TRIO: variants seen among roughly 807,000 people sequenced by gnomAD.
TRIO encodes trio Rho guanine nucleotide exchange factor.
TRIO carries 58 observed loss-of-function variants against 351.9 expected under a neutral mutation model. That is an observed-to-expected ratio of 0.16 (90% CI 0.13 to 0.21). TRIO has a LOEUF of 0.21. Among genes scored for constraint, TRIO ranks in the 10% least tolerant of loss-of-function variants. TRIO has a pLI of 1.00. For missense variants in TRIO, 3,201 were observed against 4,027.8 expected (o/e 0.79, Z 5.56); for synonymous variants, 1,758 against 1,595.7 (o/e 1.10, Z -2.42).
intron 33 of TRIO, among the ~76,000 whole-genome samples, chr5:14,417,409 A>G (rs1040741770): frequency 6.6e-6 from 1 of 152,240 alleles, no homozygotes; most frequent in Non-Finnish European, 1.5e-5. Context: ...GGCTCCTACA[A>G]CAGGAGGATA....
intron 34 of TRIO, among the ~76,000 whole-genome samples, chr5:14,431,684 G>A (rs28718197): frequency 1.3e-5 from 2 of 152,112 alleles, no homozygotes; most frequent in Non-Finnish European, 2.9e-5. Flanking sequence ...TTAACAGAAG[G>A]GGGAGAAGGG....
intron 1 of TRIO, among the ~76,000 whole-genome samples, chr5:14,221,592 G>A (rs560795395): frequency 5.3e-5 from 8 of 152,282 alleles, no homozygotes; most frequent in East Asian, 1.9e-4. Flanking sequence ...GGATGACTTC[G>A]AAGGGTTCAG....
intron 1 of TRIO, among the ~76,000 whole-genome samples, chr5:14,225,204 G>A (rs1792915156): frequency 6.6e-6 from 1 of 152,172 alleles, no homozygotes; most frequent in African/African-American, 2.4e-5. Context: ...ATGGATTGGG[G>A]TGAGGTGAGA....
At position 14,189,860 on chromosome 5, in the gene TRIO, C is replaced by T. The variant is rs568277952; in HGVS notation, c.157+45978C>T. Among the ~76,000 whole-genome samples, 3 of 151,990 alleles carry T rather than the reference C, an allele frequency of 2.0e-5. No individual in the cohort carries two copies. The South Asian group carries it at 6.2e-4, about 32-fold the overall frequency. On this transcript the variant is annotated intron_variant, in intron 1 of 56. Transcript: ENST00000344204. ...GTCTCAGCCTCCCCAGGAGCTGGAA[C>T]TATAGGCGCATCCCACCATGCCCAG...
At position 14,293,104 on chromosome 5, in the gene TRIO, G is replaced by T. The variant is rs757144671; in HGVS notation, c.1146G>T (p.Thr382=). The part of the protein sequence containing the change: ...TSHPHAMELQ[T]QHNHFAMNCM... The stretch of plus-strand genomic sequence containing the variant: ...ACCCTCATGCCATGGAGCTTCAGAC[G>T]CAGCACAATCACTTTGCCATGAACT... Residue 382 remains threonine (T), a synonymous_variant, in exon 6 of 57, where the codon ACG becomes ACT. Coordinates refer to ENST00000344204, the MANE Select transcript of TRIO (RefSeq NM_007118.4). 2 of 1,614,064 alleles carry T rather than the reference G, an allele frequency of 1.2e-6. No homozygotes were observed. The highest frequency in any genetic ancestry group is 1.7e-5 in the Admixed American group (1 of 60,010).
chr5:14,364,669 T>C lies in TRIO; in HGVS notation c.2607T>C (p.Asp869=), dbSNP rs903103607. ...CCACAGGTGTGGAGCTGCTGTGTGA[T>C]AGAGATGTAGACATGGCAACTCGGG... ...VQASGVELLC[D]RDVDMATRVQ... is the part of the protein sequence containing the mutation. The change falls in exon 15 of 57, where the codon GAT becomes GAC. Residue 869 remains aspartate, a synonymous_variant. Transcript: ENST00000344204. The C allele has an allele frequency of 6.2e-7, 1 of 1,613,908 alleles. No homozygotes were observed. The highest frequency in any genetic ancestry group is 8.5e-7 in the Non-Finnish European group (1 of 1,179,950).
At chr5:14,143,936 G>C (rs1324851233) in intron 1 of TRIO, 54 bp downstream of exon 1, 15 of 1,032,716 alleles carry the variant, frequency 1.5e-5, no homozygotes, top group Non-Finnish European at 1.7e-5. Context: ...GCGCTCGGCC[G>C]ACCCGCCGCG....
chr5:14,330,633 A>G (rs1012391480), intron 9 of TRIO, 145 bp from the exon 10 acceptor site: 18 of 1,005,474 alleles, frequency 1.8e-5, no homozygotes, highest in African/African-American at 1.3e-4. Context: ...TTAGTATCCA[A>G]TTACTTCTTC....
At chr5:14,370,593 A>G (rs536118232) in intron 18 of TRIO, among the ~76,000 whole-genome samples, 7 of 152,256 alleles carry the variant, frequency 4.6e-5, no homozygotes, top group Non-Finnish European at 7.3e-5. Flanking sequence ...GTTATTGTTT[A>G]GTCTGGGAGG....
intron 1 of TRIO, among the ~76,000 whole-genome samples, chr5:14,163,173 A>C (rs560004213): frequency 1.4e-4 from 22 of 151,828 alleles, no homozygotes; most frequent in African/African-American, 5.3e-4. Flanking sequence ...TTTGCCCCCC[A>C]TCCCTGGACA....
chr5:14,210,290 C>CTT (rs1344579620), intron 1 of TRIO, among the ~76,000 whole-genome samples: 1 of 152,194 alleles, frequency 6.6e-6, no homozygotes, highest in Admixed American at 6.5e-5. Context: ...GAAACAGAGT[C>CTT]TAGGGAAGCT....
rs1756930616 is a variant in TRIO, at chr5:14,496,890, C to T, written c.7892C>T (p.Ser2631Phe). 6.2e-7 allele frequency: 1 copy of T among 1,614,042 alleles called. No homozygotes were observed. The highest frequency in any genetic ancestry group is 1.1e-5 in the South Asian group (1 of 91,070). Reference protein sequence around the residue: ...NPDGTLKKSTSWHTALRLRKK... With the variant: ...NPDGTLKKSTFWHTALRLRKK... ...TTCATTTCCCCTAGGAAGTCAACAT[C>T]TTGGCACACAGCACTCCGTTTAAGG... Residue 2631 changes from serine to phenylalanine, a missense_variant, in exon 50 of 57, where the codon TCT (serine) becomes TTT (phenylalanine). By Grantham distance (155) the Ser-to-Phe change is radical. Transcript: ENST00000344204.
rs1250515244 is a variant in TRIO, at chr5:14,363,916, T to C, written c.2576T>C (p.Val859Ala). 6.2e-7 allele frequency: 1 copy of C among 1,613,682 alleles called. No homozygotes were observed. Among genetic ancestry groups the C allele is most frequent in the Non-Finnish European group, 8.5e-7 (1 of 1,179,730 alleles). ...GQDLLQYVNE[V>A]QASGVELLCD... ...GATCTTCTGCAGTATGTCAATGAGG[T>C]CCAGGCCTCTGGTAAGAGGGCTCAC... The change falls in exon 14 of 57, where the codon GTC becomes GCC. Residue 859 changes from valine to alanine, a missense_variant. This residue lies in a region of TRIO where 363 missense variants were observed against 553.5 expected (regional missense o/e 0.66). Coordinates refer to ENST00000344204, the MANE Select transcript of TRIO (RefSeq NM_007118.4).
chr5:14,358,290 C>T lies in TRIO; in HGVS notation c.2159C>T (p.Thr720Ile). 1 of 1,614,214 alleles carries T rather than the reference C, an allele frequency of 6.2e-7. No individual in the cohort carries two copies. Among genetic ancestry groups the T allele is most frequent in the Non-Finnish European group, 8.5e-7 (1 of 1,180,034 alleles). Residue 720 changes from threonine to isoleucine, a missense_variant, in exon 12 of 57, where the codon ACC becomes ATC. By Grantham distance (89) the Thr-to-Ile change is moderately conservative. Coordinates refer to ENST00000344204, the MANE Select transcript of TRIO (RefSeq NM_007118.4). Reference protein sequence around the residue: ...IKRFGQQQQTTLQVTVNVIKE... With the variant: ...IKRFGQQQQTILQVTVNVIKE... ...CGCTTTGGCCAGCAGCAGCAGACCA[C>T]CCTGCAGGTGACTGTCAACGTGATC...
chr5:14,381,069 G>A, intron 20 of TRIO, 61 bp from the exon 21 acceptor site: 2 of 1,554,576 alleles, frequency 1.3e-6, no homozygotes, highest in Non-Finnish European at 8.7e-7. Flanking sequence ...GGTGCTCGGG[G>A]CTTTGGGCTC....
At chr5:14,318,131 GAA>G (rs373792332) in intron 9 of TRIO, among the ~76,000 whole-genome samples, 30 of 120,218 alleles carry the variant, frequency 2.5e-4, no homozygotes, top group African/African-American at 6.5e-4. Context: ...CCATCTCAAA[GAA>G]AAAAAAAAAA....
intron 34 of TRIO, among the ~76,000 whole-genome samples, chr5:14,424,847 TTCTCCAAGCTCTCCTTGCTTC>T (rs1750507070): frequency 2.0e-5 from 3 of 152,224 alleles, no homozygotes; most frequent in Admixed American, 6.5e-5. Flanking sequence ...CACCCTGCTT[TTCTCCAAGCTCTCCTTGCTTC>T]TCTCCAAGCT....
chr5:14,508,374 C>T lies in TRIO; in HGVS notation c.9246C>T (p.Ile3082=). ...AACACCAGAATGATGTTCGACCTAT[C>T]CGTAGCATTAAAAACTTTCTGCAGA... ...RRKHQNDVRP[I]RSIKNFLQSR... The change falls in exon 57 of 57, where the codon ATC becomes ATT. Residue 3082 remains isoleucine (I), a synonymous_variant. Coordinates refer to ENST00000344204, the MANE Select transcript of TRIO (RefSeq NM_007118.4). The T allele has an allele frequency of 1.2e-6, 2 of 1,613,648 alleles. No homozygotes were observed. The highest frequency in any genetic ancestry group is 1.1e-5 in the South Asian group (1 of 91,070).
intron 42 of TRIO, 144 bp downstream of exon 42, chr5:14,479,494 T>C (rs1253941935): frequency 3.2e-5 from 22 of 686,594 alleles, no homozygotes; most frequent in Middle Eastern, 4.1e-4. Context: ...CCTTTCTTTC[T>C]TTCCTGTAAA....
Sources: allele counts gnomAD v4.1 joint callset (sites outside exome capture counted in the v4.1 genomes callset), GRCh38; gene constraint gnomAD v4.1.1; regional missense constraint gnomAD v4.1.1; transcripts MANE v1.5; gene names NCBI Gene and HGNC (gene_info 2026-07-23, HGNC 2026-07-21).